The following ATP6V0A4 variants were observed in gnomAD, a reference collection of about 807,000 sequenced individuals.
ATP6V0A4 encodes the protein V-type proton ATPase 116 kDa subunit a 4.
In ATP6V0A4, 86 loss-of-function variants were observed where a neutral mutation model predicts 107.3. The observed-to-expected ratio is 0.80, with a 90% CI of 0.67 to 0.96. The LOEUF (loss-of-function observed/expected upper bound fraction) is 0.96. Among genes scored for constraint, ATP6V0A4 ranks in the 40% least tolerant of loss-of-function variants. ATP6V0A4 has a pLI of 0.00. For missense variants in ATP6V0A4, 908 were observed against 1,045.6 expected (o/e 0.87, Z 1.81); for synonymous variants, 353 against 381.4 (o/e 0.93, Z 0.87).
intron 1 of ATP6V0A4, among the ~76,000 whole-genome samples, chr7:138,791,769 A>G (rs1808422302): frequency 6.6e-6 from 1 of 152,168 alleles, no homozygotes; most frequent in African/African-American, 2.4e-5. Context: ...TATCCAGACA[A>G]ACAAAGTAAC....
At chr7:138,709,326 A>G (rs181245770) in intron 21 of ATP6V0A4, among the ~76,000 whole-genome samples, 10 of 152,118 alleles carry the variant, frequency 6.6e-5, no homozygotes, top group East Asian at 1.9e-4. Context: ...GTTAAAGCCA[A>G]TTGTAATAAC....
chr7:138,788,139 G>T (rs1051306706), intron 1 of ATP6V0A4, among the ~76,000 whole-genome samples: 1 of 152,170 alleles, frequency 6.6e-6, no homozygotes, highest in Non-Finnish European at 1.5e-5. Flanking sequence ...GTTCGCTTCG[G>T]TTTTATGTGA....
intron 13 of ATP6V0A4, among the ~76,000 whole-genome samples, chr7:138,745,669 A>AAAAAAAAAAAAAAAAAAAAAAAAACC: frequency 7.1e-6 from 1 of 141,388 alleles, no homozygotes; most frequent in East Asian, 2.2e-4. Flanking sequence ...AAAAAAAAAA[A>AAAAAAAAAAAAAAAAAAAAAAAAACC]AAGGCCGGGT....
intron 11 of ATP6V0A4, 69 bp from the exon 12 acceptor site, chr7:138,749,386 T>A (rs1806119636): frequency 1.3e-6 from 2 of 1,573,998 alleles, no homozygotes; most frequent in Admixed American, 1.8e-5. Flanking sequence ...AGCACAAAGG[T>A]CACAGTCCCA....
intron 2 of ATP6V0A4, chr7:138,780,070 G>A (rs1458620258): frequency 1.3e-5 from 2 of 152,290 alleles, no homozygotes; most frequent in Non-Finnish European, 2.9e-5. Context: ...CCTGAAGAGT[G>A]TGGGCCATTT....
chr7:138,706,891 T>C (rs1803399718), intron 21 of ATP6V0A4, 174 bp from the exon 22 acceptor site: 1 of 159,386 alleles, frequency 6.3e-6, no homozygotes, highest in African/African-American at 7.8e-5. Context: ...TCCTGAGGAT[T>C]TTTTTTTTTT....
intron 19 of ATP6V0A4, among the ~76,000 whole-genome samples, chr7:138,717,788 G>A (rs1804121570): frequency 1.4e-5 from 2 of 147,992 alleles, no homozygotes; most frequent in African/African-American, 2.5e-5. Context: ...CATGCCTGTA[G>A]TCCCAGCTAC....
At chr7:138,721,434 G>C (rs1254556689) in intron 19 of ATP6V0A4, among the ~76,000 whole-genome samples, 1 of 152,166 alleles carries the variant, frequency 6.6e-6, no homozygotes, top group African/African-American at 2.4e-5. Context: ...AGGTATTAGA[G>C]AGGCTGAGGC....
chr7:138,740,280 C>T (rs1805559650), intron 14 of ATP6V0A4, among the ~76,000 whole-genome samples: 1 of 152,088 alleles, frequency 6.6e-6, no homozygotes. Context: ...AACACTGGGG[C>T]TGCTTCTGAA....
intron 19 of ATP6V0A4, among the ~76,000 whole-genome samples, chr7:138,720,852 G>T (rs1264972700): frequency 1.3e-5 from 2 of 152,102 alleles, no homozygotes; most frequent in Admixed American, 1.3e-4. Flanking sequence ...GACCAGGCTG[G>T]TGTTGGACTC....
At chr7:138,790,225 G>A (rs1225432147) in intron 1 of ATP6V0A4, among the ~76,000 whole-genome samples, 1 of 152,014 alleles carries the variant, frequency 6.6e-6, no homozygotes, top group African/African-American at 2.4e-5. Context: ...CTGCTTTTCT[G>A]TTTTGTATAC....
At chr7:138,747,588 C>T (rs1806018853) in intron 12 of ATP6V0A4, 24 bp from the exon 13 acceptor site, 1 of 1,613,018 alleles carries the variant, frequency 6.2e-7, no homozygotes, top group Admixed American at 1.7e-5. Context: ...ACACACAACG[C>T]CTGAGGCCTC....
chr7:138,711,784 G>A (rs563516532), intron 20 of ATP6V0A4, among the ~76,000 whole-genome samples: 4 of 152,240 alleles, frequency 2.6e-5, no homozygotes, highest in African/African-American at 4.8e-5. Flanking sequence ...ACTCACATAC[G>A]CAGACTTTCA....
chr7:138,749,687 C>T (rs1302128218), intron 11 of ATP6V0A4, among the ~76,000 whole-genome samples: 1 of 152,082 alleles, frequency 6.6e-6, no homozygotes, highest in Admixed American at 6.6e-5. Context: ...TTCCTAATTG[C>T]CTGCTTAGAC....
At chr7:138,716,854 G>T (rs1360016422) in intron 19 of ATP6V0A4, among the ~76,000 whole-genome samples, 1 of 152,154 alleles carries the variant, frequency 6.6e-6, no homozygotes, top group Non-Finnish European at 1.5e-5. Flanking sequence ...GTGAGCCACT[G>T]TGCCTGGCCA....
chr7:138,780,175 AC>A (rs1221877882), intron 2 of ATP6V0A4: 1 of 152,200 alleles, frequency 6.6e-6, no homozygotes, highest in Non-Finnish European at 1.5e-5. Context: ...GCAATCCCCA[AC>A]CTTTTTGGCA....
chr7:138,728,389 G>T (rs536561617), intron 18 of ATP6V0A4, among the ~76,000 whole-genome samples: 1 of 151,908 alleles, frequency 6.6e-6, no homozygotes, highest in African/African-American at 2.4e-5. Context: ...ACCATGCCTG[G>T]CTAATTTTGG....
chr7:138,721,842 T>G, intron 19 of ATP6V0A4, 55 bp downstream of exon 19: 3 of 1,598,986 alleles, frequency 1.9e-6, no homozygotes, highest in African/African-American at 1.3e-5. Context: ...CCTATGTCCA[T>G]TCTAGAATTT....
intron 20 of ATP6V0A4, among the ~76,000 whole-genome samples, chr7:138,713,145 A>AG (rs1472354419): frequency 2.6e-5 from 4 of 151,708 alleles, no homozygotes; most frequent in Admixed American, 6.6e-5. Context: ...AAAAATTAAA[A>AG]AAAAAAAAAA....
Sources: gnomAD v4.1 joint callset for allele counts (sites outside exome capture counted in the v4.1 genomes callset) on GRCh38, gnomAD v4.1.1 for gene constraint, MANE v1.5 for transcripts, NCBI Gene and HGNC (gene_info 2026-07-23, HGNC 2026-07-21) for gene names.